The following ZNF143 variants were observed in gnomAD, a reference collection of about 807,000 sequenced individuals.
ZNF143 encodes SPH-binding factor.
Under a neutral mutation model 74.1 loss-of-function variants are expected in ZNF143, and 49 were observed. That is an observed-to-expected ratio of 0.66 (90% CI 0.53 to 0.84). The LOEUF (loss-of-function observed/expected upper bound fraction) is 0.84, where lower values mean the gene tolerates loss of function less well. ZNF143 is among the 40% of genes least tolerant of loss of function. The probability of loss-of-function intolerance (pLI) is 0.00; values close to 1 mark genes in which losing one functional copy is unlikely to be tolerated. For missense variants in ZNF143, 637 were observed against 793.4 expected, an observed-to-expected ratio of 0.80 and a Z score of 2.37; for synonymous variants, 304 against 282.8, an observed-to-expected ratio of 1.07 and a Z score of -0.75.
intron 1 of ZNF143, chr11:9,461,610 C>G (rs1385851235): frequency 1.3e-5 from 2 of 151,752 alleles, no homozygotes; most frequent in Non-Finnish European, 2.9e-5. Flanking sequence ...GTATCGTGGG[C>G]AGATTGTTTC....
intron 3 of ZNF143, chr11:9,473,700 T>C: frequency 3.1e-6 from 4 of 1,286,578 alleles, no homozygotes; most frequent in South Asian, 1.3e-5. Context: ...GATGAGCCAC[T>C]CTTCCTCTTG....
intron 7 of ZNF143, among the ~76,000 whole-genome samples, chr11:9,482,349 T>C (rs1397291049): frequency 3.1e-4 from 41 of 134,368 alleles, no homozygotes; most frequent in Middle Eastern, 5.0e-3. Flanking sequence ...CGGCTCACTG[T>C]AAGCTCCGTC....
At chr11:9,479,363 T>C in intron 6 of ZNF143, 109 bp from the exon 7 acceptor site, 1 of 764,896 alleles carries the variant, frequency 1.3e-6, no homozygotes, top group Non-Finnish European at 2.0e-6. Context: ...CCATGTACTT[T>C]TTTTTCTTTT....
chr11:9,487,957 A>G (rs1339943942), intron 7 of ZNF143, among the ~76,000 whole-genome samples: 6 of 152,116 alleles, frequency 3.9e-5, no homozygotes, highest in Non-Finnish European at 4.4e-5. Flanking sequence ...ATTGCTTTCT[A>G]TTCCACAGTC....
intron 7 of ZNF143, among the ~76,000 whole-genome samples, chr11:9,489,173 G>A (rs1038881566): frequency 5.9e-5 from 9 of 152,160 alleles, no homozygotes; most frequent in African/African-American, 2.2e-4. Context: ...TCATCCTACT[G>A]TACTTTGTGA....
In ZNF143 at chr11:9,469,999, T is replaced by A. The variant is rs140291920; in HGVS notation, c.-7-1303T>A. On this transcript the variant is annotated intron_variant, in intron 1 of 15. Transcript: ENST00000396602. ...AAAAAGAATTACAAATTATTACTAC[T>A]ATCTGTGTATTGCTCTTTTAAATAT... Among the ~76,000 whole-genome samples the A allele has an allele frequency of 2.1e-3, 316 of 152,366 alleles. 1 individual carries two copies. The highest frequency in any genetic ancestry group is 3.8e-3 in the Non-Finnish European group (259 of 68,038).
At chr11:9,488,644 T>A (rs1847653624) in intron 7 of ZNF143, among the ~76,000 whole-genome samples, 1 of 152,206 alleles carries the variant, frequency 6.6e-6, no homozygotes, top group African/African-American at 2.4e-5. Flanking sequence ...ATAACAATTA[T>A]TATATTCTAT....
At chr11:9,475,232 C>T (rs1250768269) in intron 5 of ZNF143, among the ~76,000 whole-genome samples, 1 of 152,128 alleles carries the variant, frequency 6.6e-6, no homozygotes, top group Non-Finnish European at 1.5e-5. Flanking sequence ...GAAATAAAAT[C>T]ACAATGTAAC....
At chr11:9,508,152 T>C (rs1848426270) in intron 11 of ZNF143, among the ~76,000 whole-genome samples, 1 of 152,238 alleles carries the variant, frequency 6.6e-6, no homozygotes, top group Non-Finnish European at 1.5e-5. Flanking sequence ...AACATGTTTG[T>C]CCTTTTAGTT....
intron 7 of ZNF143, among the ~76,000 whole-genome samples, chr11:9,489,206 T>G (rs1453502690): frequency 1.3e-5 from 2 of 152,206 alleles, no homozygotes. Context: ...GAGAGGTCTG[T>G]TTTGAGTAAT....
At chr11:9,492,892 C>G (rs1381924810) in intron 7 of ZNF143, among the ~76,000 whole-genome samples, 3 of 152,036 alleles carry the variant, frequency 2.0e-5, no homozygotes, top group African/African-American at 7.2e-5. Flanking sequence ...AGCTATATAT[C>G]ACAGGTTTGC....
intron 5 of ZNF143, among the ~76,000 whole-genome samples, chr11:9,475,905 T>TAC (rs1856851872): frequency 2.6e-5 from 1 of 39,078 alleles, no homozygotes; most frequent in African/African-American, 6.9e-5. Context: ...CTCAAAAAAA[T>TAC]ATATATGTGT....
In ZNF143 at chr11:9,461,019, T is replaced by G; in HGVS notation, c.-65T>G. The G allele has an allele frequency of 1.0e-6, 1 of 986,056 alleles. No individual in the cohort carries two copies. The highest frequency in any genetic ancestry group is 1.2e-6 in the Non-Finnish European group (1 of 830,166). The allele number at this position is 986,056 out of a possible 1,614,324, so 61.1% of individuals were successfully genotyped here. A position where few individuals can be genotyped will look rare whatever the true frequency, so the allele number is the denominator to read the frequency against. ...GCGGGGCCTGGGGGCCGGACGGCTG[T>G]TTCCTGTCCTGGTGCATGGTGGTCG... On this transcript the variant is annotated 5_prime_UTR_variant, in exon 1 of 16. Transcript: ENST00000396602.
At chr11:9,481,885 C>CA (rs572870014) in intron 7 of ZNF143, among the ~76,000 whole-genome samples, 75 of 111,298 alleles carry the variant, frequency 6.7e-4, no homozygotes, top group East Asian at 1.2e-3. Context: ...GAGACTGTCT[C>CA]AAAAAAAAAA....
rs1849199432 is a variant in ZNF143 at position 9,528,436 on chromosome 11, A to T, written c.*823A>T. 1 of 151,928 alleles carries T rather than the reference A, an allele frequency of 6.6e-6. No homozygotes were observed. The highest frequency in any genetic ancestry group is 2.4e-5 in the African/African-American group (1 of 41,344). The allele number at this position is 151,928 out of a possible 1,614,324, so 9.4% of individuals were successfully genotyped here. Reference sequence around the variant, plus strand: ...TTAGGTTAGTGGGTTGGTGTAAATTATTTATTTTTGCTTATGTACTTTTGT... The same window carrying T: ...TTAGGTTAGTGGGTTGGTGTAAATTTTTTATTTTTGCTTATGTACTTTTGT... On this transcript the variant is annotated 3_prime_UTR_variant, in exon 16 of 16. Transcript: ENST00000396602.
At chr11:9,461,351 T>TA (rs1855823071) in intron 1 of ZNF143, among the ~76,000 whole-genome samples, 3 of 152,310 alleles carry the variant, frequency 2.0e-5, no homozygotes, top group Admixed American at 2.0e-4. Flanking sequence ...GCGCCCCGCC[T>TA]GTTTCCCTCA....
chr11:9,463,180 C>T (rs1012567100), intron 1 of ZNF143, among the ~76,000 whole-genome samples: 1 of 152,236 alleles, frequency 6.6e-6, no homozygotes, highest in Non-Finnish European at 1.5e-5. Context: ...ATCCATTCAT[C>T]TGTTGATGGA....
At chr11:9,481,624 A>G (rs1052475106) in intron 7 of ZNF143, among the ~76,000 whole-genome samples, 7 of 152,056 alleles carry the variant, frequency 4.6e-5, no homozygotes, top group African/African-American at 1.7e-4. Flanking sequence ...CCAGTGACTC[A>G]CGCCTGTAAT....
At chr11:9,476,800 C>T (rs1856930351) in intron 5 of ZNF143, among the ~76,000 whole-genome samples, 2 of 111,610 alleles carry the variant, frequency 1.8e-5, no homozygotes, top group Non-Finnish European at 1.7e-5. Context: ...CGCTCTCTCT[C>T]CCAGTCTGGA....
Sources: allele counts gnomAD v4.1 joint callset (sites outside exome capture counted in the v4.1 genomes callset), GRCh38; gene constraint gnomAD v4.1.1; transcripts MANE v1.5; gene names NCBI Gene and HGNC (gene_info 2026-07-23, HGNC 2026-07-21).